The following RERE variants were observed in gnomAD, a reference collection of about 807,000 sequenced individuals.
RERE encodes the protein arginine-glutamic acid dipeptide repeats.
In RERE, 40 loss-of-function variants were observed where a neutral mutation model predicts 146.1. That is an observed-to-expected ratio of 0.27 (90% confidence interval 0.21 to 0.36). RERE has a LOEUF of 0.36. RERE is among the 10% of genes least tolerant of loss of function. The probability of loss-of-function intolerance (pLI) is 1.00; values close to 1 mark genes in which losing one functional copy is unlikely to be tolerated. For missense variants in RERE, 1,933 were observed against 2,138.7 expected (o/e 0.90, Z 1.90); for synonymous variants, 1,003 against 866.0 (o/e 1.16, Z -2.78).
At chr1:8,615,648 A>T (rs1376837405) in intron 3 of RERE, among the ~76,000 whole-genome samples, 1 of 152,208 alleles carries the variant, frequency 6.6e-6, no homozygotes, top group Non-Finnish European at 1.5e-5. Flanking sequence ...ACCTTTTAAT[A>T]TTAGATCATT....
At chr1:8,736,677 C>T (rs948336670) in intron 1 of RERE, among the ~76,000 whole-genome samples, 2 of 151,976 alleles carry the variant, frequency 1.3e-5, no homozygotes, top group Non-Finnish European at 2.9e-5. Flanking sequence ...AGGCAATTAT[C>T]AGAAGAGTCA....
chr1:8,446,930 C>T (rs182768620), intron 11 of RERE, among the ~76,000 whole-genome samples: 37 of 152,062 alleles, frequency 2.4e-4, no homozygotes, highest in South Asian at 1.2e-3. Flanking sequence ...CCGCCCGCCT[C>T]GGCCTCCCAA....
chr1:8,416,334 C>A (rs549252103), intron 12 of RERE, among the ~76,000 whole-genome samples: 2 of 152,048 alleles, frequency 1.3e-5, no homozygotes, highest in East Asian at 1.9e-4. Context: ...ACCTGTAATC[C>A]CAGCACTTTG....
At chr1:8,787,059 A>C in intron 1 of RERE, 1 of 536,712 alleles carries the variant, frequency 1.9e-6, no homozygotes, top group Non-Finnish European at 3.3e-6. Context: ...TATACTTGGA[A>C]TGAAAGCCAG....
chr1:8,653,789 CTG>C (rs891595679), intron 2 of RERE, among the ~76,000 whole-genome samples: 31 of 151,406 alleles, frequency 2.0e-4, no homozygotes, highest in African/African-American at 6.8e-4. Context: ...TGTGGTAACT[CTG>C]AGAGATTCTT....
intron 4 of RERE, among the ~76,000 whole-genome samples, chr1:8,607,536 T>TTTTTC: frequency 4.4e-5 from 1 of 22,504 alleles, no homozygotes; most frequent in Non-Finnish European, 9.4e-5. Context: ...ATATATTTCT[T>TTTTTC]TTTTTTTTTT....
chr1:8,738,097 A>G (rs1303185322), intron 1 of RERE, among the ~76,000 whole-genome samples: 1 of 151,652 alleles, frequency 6.6e-6, no homozygotes, highest in African/African-American at 2.4e-5. Context: ...GCTGTCAAGC[A>G]CTCTCCCTCC....
chr1:8,764,683 G>A (rs959079504), intron 1 of RERE, among the ~76,000 whole-genome samples: 9 of 152,140 alleles, frequency 5.9e-5, no homozygotes, highest in Non-Finnish European at 7.3e-5. Flanking sequence ...ACTCAGGGAC[G>A]TAATTCACCC....
At chr1:8,430,978 T>A (rs2124482030) in intron 11 of RERE, among the ~76,000 whole-genome samples, 1 of 152,332 alleles carries the variant, frequency 6.6e-6, no homozygotes, top group East Asian at 1.9e-4. Context: ...AGTCCGTAGA[T>A]GCCATAGGGT....
At chr1:8,418,352 ACAGCCAAAG>A (rs1434817711) in intron 12 of RERE, among the ~76,000 whole-genome samples, 8 of 152,248 alleles carry the variant, frequency 5.3e-5, no homozygotes, top group African/African-American at 1.9e-4. Flanking sequence ...GACGAGAAAG[ACAGCCAAAG>A]CATGTCCCCT....
Position 8,423,190 on chromosome 1 carries a change from T to C in RERE, c.1204-383A>G, listed in dbSNP as rs754583774. The C allele has an allele frequency of 1.2e-5, 2 of 172,592 alleles. No individual in the cohort carries two copies. Among genetic ancestry groups the C allele is most frequent in the African/African-American group, 4.8e-5 (2 of 42,088 alleles). The allele number at this position is 172,592 out of a possible 1,614,324, so 10.7% of individuals were successfully genotyped here. A position where few individuals can be genotyped will look rare whatever the true frequency, so the allele number is the denominator to read the frequency against. ...ACCTGAGAACCAAGCTTCCCAGAAG[T>C]GTCGAGCAGAAAGGGGAAACAGAAC... On this transcript the variant is annotated intron_variant, in intron 11 of 22. Transcript: ENST00000400908. The surrounding 1 kb of genome is among the most constrained non-coding windows in gnomAD (Gnocchi z 5.4).
intron 12 of RERE, among the ~76,000 whole-genome samples, chr1:8,418,807 G>A (rs917154738): frequency 8.6e-5 from 13 of 151,996 alleles, no homozygotes; most frequent in Non-Finnish European, 1.6e-4. Context: ...TCTCTATTAG[G>A]CCTCCTACTT....
chr1:8,457,539 TA>T (rs1432934630), intron 11 of RERE, among the ~76,000 whole-genome samples: 1 of 152,148 alleles, frequency 6.6e-6, no homozygotes, highest in Non-Finnish European at 1.5e-5. Flanking sequence ...AGATGGCAAT[TA>T]GGGGGCTACC....
At chr1:8,562,910 C>G (rs1365418240) in intron 4 of RERE, among the ~76,000 whole-genome samples, 1 of 152,064 alleles carries the variant, frequency 6.6e-6, no homozygotes, top group East Asian at 1.9e-4. Flanking sequence ...TATCTGGGAG[C>G]AGAATAGCAA....
intron 10 of RERE, among the ~76,000 whole-genome samples, chr1:8,477,224 A>G (rs993493692): frequency 1.8e-4 from 27 of 152,180 alleles, no homozygotes; most frequent in Non-Finnish European, 7.4e-5. Flanking sequence ...GAGGGTGCGG[A>G]GGGTGTAGGC....
chr1:8,479,307 T>A (rs545174302), intron 10 of RERE, among the ~76,000 whole-genome samples: 289 of 151,866 alleles, frequency 1.9e-3, no homozygotes, highest in East Asian at 9.1e-3. Flanking sequence ...AAATTTTTTT[T>A]AAATTTTTTT....
intron 3 of RERE, 36 bp from the exon 4 acceptor site, chr1:8,614,722 A>G (rs1346127909): frequency 1.9e-6 from 3 of 1,583,588 alleles, no homozygotes; most frequent in Non-Finnish European, 2.6e-6. Context: ...AACGTGCCCA[A>G]CGCCCCATCA....
At chr1:8,709,406 C>T (rs116017606) in intron 1 of RERE, among the ~76,000 whole-genome samples, 375 of 152,100 alleles carry the variant, frequency 2.5e-3, no homozygotes, top group African/African-American at 8.8e-3. Context: ...GGGTGAGCCA[C>T]GGCACCCAGC....
intron 4 of RERE, among the ~76,000 whole-genome samples, chr1:8,564,708 C>A (rs1646121661): frequency 6.6e-6 from 1 of 152,066 alleles, no homozygotes; most frequent in Non-Finnish European, 1.5e-5. Context: ...GAGAAGCCTG[C>A]ACTCCCAAGT....
Sources: allele counts gnomAD v4.1 joint callset (sites outside exome capture counted in the v4.1 genomes callset), GRCh38; gene constraint gnomAD v4.1.1; non-coding constraint Gnocchi (gnomAD v3.1); transcripts MANE v1.5; gene names NCBI Gene and HGNC (gene_info 2026-07-23, HGNC 2026-07-21).